Variants in ADGRV1 observed in about 807,000 individuals in gnomAD.
The protein encoded by ADGRV1 is G-protein coupled receptor 98.
In ADGRV1, 359 loss-of-function variants were observed where a neutral mutation model predicts 596.2. The observed-to-expected ratio is 0.60, with a 90% CI of 0.55 to 0.66. ADGRV1 has a LOEUF of 0.66. Ranked by LOEUF, ADGRV1 falls within the 30% of genes least tolerant of loss-of-function variation. ADGRV1 has a pLI of 0.00. For synonymous variants in ADGRV1, 2,681 were observed against 2,679.2 expected (o/e 1.00, Z -0.02); for missense variants, 7,274 against 7,575.6 (o/e 0.96, Z 1.48).
rs1182398494 is a variant in ADGRV1, at chr5:90,637,863, G to A, written c.2155G>A (p.Gly719Arg). The A allele has an allele frequency of 6.2e-7, 1 of 1,613,390 alleles. No individual in the cohort carries two copies. Among genetic ancestry groups the A allele is most frequent in the Non-Finnish European group, 8.5e-7 (1 of 1,179,742 alleles). Reference protein sequence around the residue: ...PFNGSVLFLSGQSDTTINITI... With the variant: ...PFNGSVLFLSRQSDTTINITI... ...TAATGGCTCTGTTTTGTTTTTATCT[G>A]GGCAAAGTGACACAACAATCAACAT... Residue 719 changes from glycine (G) to arginine (R), a missense_variant, in exon 11 of 90, where the codon GGG becomes AGG. Physicochemically the swap from Gly to Arg is moderately radical, Grantham distance 125. Transcript: ENST00000405460.
chr5:90,743,959 A>G (rs1754304740), intron 50 of ADGRV1, among the ~76,000 whole-genome samples: 1 of 149,290 alleles, frequency 6.7e-6, no homozygotes, highest in South Asian at 2.1e-4. Flanking sequence ...GCTATTTTTT[A>G]CTTCTTTTTT....
chr5:90,580,182 A>T (rs1405144611), intron 1 of ADGRV1, among the ~76,000 whole-genome samples: 3 of 152,176 alleles, frequency 2.0e-5, no homozygotes, highest in Non-Finnish European at 4.4e-5. Flanking sequence ...TTTGCCCATT[A>T]ATTGATGCAG....
intron 85 of ADGRV1, among the ~76,000 whole-genome samples, chr5:90,999,379 G>T (rs889522708): frequency 6.6e-5 from 10 of 151,778 alleles, no homozygotes; most frequent in African/African-American, 2.4e-4. Context: ...TTTAACTCAG[G>T]GTTAAAACGG....
intron 50 of ADGRV1, among the ~76,000 whole-genome samples, chr5:90,743,872 G>A (rs989108807): frequency 1.1e-4 from 16 of 151,936 alleles, no homozygotes; most frequent in Non-Finnish European, 2.4e-4. Flanking sequence ...ATTTAAGTCT[G>A]GAAATTATTT....
At chr5:90,603,916 G>A (rs1050139684) in intron 1 of ADGRV1, among the ~76,000 whole-genome samples, 23 of 135,920 alleles carry the variant, frequency 1.7e-4, no homozygotes, top group African/African-American at 2.9e-4. Context: ...GTGCAGGCAC[G>A]TACACACACA....
intron 86 of ADGRV1, among the ~76,000 whole-genome samples, chr5:91,090,721 G>A (rs540201602): frequency 1.4e-4 from 21 of 151,932 alleles, no homozygotes; most frequent in Admixed American, 3.9e-4. Flanking sequence ...GAAGGTAGTC[G>A]GTGGAAGCCT....
intron 76 of ADGRV1, among the ~76,000 whole-genome samples, chr5:90,828,210 T>G (rs901860593): frequency 2.6e-5 from 4 of 152,192 alleles, no homozygotes; most frequent in African/African-American, 9.6e-5. Context: ...GACTATATAC[T>G]GAATTTTGGA....
chr5:90,573,703 C>T (rs1756837469), intron 1 of ADGRV1, among the ~76,000 whole-genome samples: 1 of 152,076 alleles, frequency 6.6e-6, no homozygotes, highest in South Asian at 2.1e-4. Flanking sequence ...TCTTCTGAGA[C>T]AAATTATTGA....
chr5:90,630,810 T>C (rs765808568), intron 9 of ADGRV1, among the ~76,000 whole-genome samples: 11 of 152,202 alleles, frequency 7.2e-5, no homozygotes, highest in Non-Finnish European at 1.6e-4. Flanking sequence ...GTATGTTATC[T>C]TCACTATATT....
intron 50 of ADGRV1, among the ~76,000 whole-genome samples, chr5:90,738,995 T>G (rs1339127284): frequency 6.6e-6 from 1 of 152,096 alleles, no homozygotes; most frequent in Non-Finnish European, 1.5e-5. Context: ...CATTCTTTTT[T>G]ATTTTTGCTT....
intron 89 of ADGRV1, 83 bp from the exon 90 acceptor site, chr5:91,163,699 G>A: frequency 1.6e-6 from 1 of 612,048 alleles, no homozygotes; most frequent in South Asian, 2.2e-5. Context: ...AAATAAACAG[G>A]CTTGGACCTA....
chr5:91,031,057 A>T lies in ADGRV1; in HGVS notation c.18153-41390A>T, dbSNP rs1784444185. ...AAATGCCTGGTGGCGATTGCAAATA[A>T]CTGCCAATCATATAGGGATGATACA... On this transcript the variant is annotated intron_variant, in intron 85 of 89. Coordinates refer to ENST00000405460, the MANE Select transcript of ADGRV1 (RefSeq NM_032119.4). The T allele has an allele frequency of 2.3e-5, 34 of 1,504,816 alleles. No homozygotes were observed. In the South Asian group the frequency reaches 4.2e-4, roughly 19 times the overall value. The allele number at this position is 1,504,816 out of a possible 1,614,324, so 93.2% of individuals were successfully genotyped here.
intron 59 of ADGRV1, among the ~76,000 whole-genome samples, chr5:90,763,743 G>T (rs1162522048): frequency 6.6e-6 from 1 of 152,122 alleles, no homozygotes; most frequent in Non-Finnish European, 1.5e-5. Flanking sequence ...TGTATCCATT[G>T]TCTGGCTCCT....
chr5:90,806,504 C>CCCT (rs1348704088), intron 72 of ADGRV1, among the ~76,000 whole-genome samples: 1 of 152,056 alleles, frequency 6.6e-6, no homozygotes, highest in African/African-American at 2.4e-5. Context: ...ACTTCCTTAC[C>CCCT]CCTCTGTCAC....
chr5:90,978,619 G>A (rs1665078044), intron 84 of ADGRV1, among the ~76,000 whole-genome samples: 1 of 152,100 alleles, frequency 6.6e-6, no homozygotes, highest in Non-Finnish European at 1.5e-5. Context: ...ACTGGTTGAG[G>A]TGATGGATAC....
intron 82 of ADGRV1, among the ~76,000 whole-genome samples, chr5:90,861,548 A>G (rs956179153): frequency 6.6e-6 from 1 of 152,024 alleles, no homozygotes; most frequent in South Asian, 2.1e-4. Context: ...TGACCTCGTG[A>G]TCTGCCCACC....
intron 85 of ADGRV1, among the ~76,000 whole-genome samples, chr5:91,035,861 T>TAATA: frequency 4.4e-4 from 42 of 96,384 alleles, no homozygotes; most frequent in African/African-American, 1.1e-3. Context: ...TATATATATA[T>TAATA]TATATATATA....
rs1186289878 is a variant in ADGRV1 at position 90,690,899 on chromosome 5, T to G, written c.6809T>G (p.Val2270Gly). 1 of 1,613,760 alleles carries G rather than the reference T, an allele frequency of 6.2e-7. No homozygotes were observed. The highest frequency in any genetic ancestry group is 8.5e-7 in the Non-Finnish European group (1 of 1,179,790). ...RNSGTLGNVTVQWVATINGQL... is the reference protein window; with the variant it reads ...RNSGTLGNVTGQWVATINGQL... ...TCTGGGACACTCGGCAATGTTACTG[T>G]TCAGTGGGTTGCCACCATTAATGGA... The change falls in exon 31 of 90, where the codon GTT becomes GGT. Residue 2270 changes from valine (V) to glycine (G), a missense_variant. Transcript: ENST00000405460.
intron 83 of ADGRV1, among the ~76,000 whole-genome samples, chr5:90,949,007 G>A (rs1776840836): frequency 6.6e-6 from 1 of 151,990 alleles, no homozygotes; most frequent in Middle Eastern, 3.2e-3. Flanking sequence ...AAGTAGAATG[G>A]ATACATTTTC....
Sources: allele counts gnomAD v4.1 joint callset (sites outside exome capture counted in the v4.1 genomes callset), GRCh38; gene constraint gnomAD v4.1.1; transcripts MANE v1.5; gene names NCBI Gene and HGNC (gene_info 2026-07-23, HGNC 2026-07-21).